The following HEATR3 variants were observed in gnomAD, a reference collection of about 807,000 sequenced individuals.
HEATR3 encodes HEAT repeat containing 3, also known as HEAT repeat-containing protein 3.
Under a neutral mutation model 72.8 loss-of-function variants are expected in HEATR3, and 56 were observed. The ratio of observed to expected loss-of-function variants is 0.77; its 90% confidence interval spans 0.62 to 0.96. The LOEUF is 0.96. Among genes scored for constraint, HEATR3 ranks in the 40% least tolerant of loss-of-function variants. HEATR3 has a pLI of 0.00. For missense variants in HEATR3, 747 were observed against 831.4 expected (o/e 0.90, Z 1.25); for synonymous variants, 331 against 318.1 (o/e 1.04, Z -0.43).
intron 12 of HEATR3, among the ~76,000 whole-genome samples, chr16:50,095,919 T>A (rs1321450196): frequency 1.3e-5 from 2 of 152,162 alleles, no homozygotes; most frequent in African/African-American, 4.8e-5. Context: ...CCAGTACCAT[T>A]ACCCCAAGGC....
chr16:50,090,504 T>C (rs769868050), intron 11 of HEATR3, among the ~76,000 whole-genome samples: 1 of 152,252 alleles, frequency 6.6e-6, no homozygotes, highest in African/African-American at 2.4e-5. Flanking sequence ...ACAGTAGTTA[T>C]AACATTTGTG....
rs756262483 is a variant in HEATR3, at chr16:50,083,933, T to A, written c.1042-4T>A. 1.9e-5 allele frequency: 29 copies of A among 1,490,210 alleles called. No individual in the cohort carries two copies. Among genetic ancestry groups the A allele is most frequent in the South Asian group, 2.4e-5 (2 of 82,876 alleles). The allele number at this position is 1,490,210 out of a possible 1,614,324, so 92.3% of individuals were successfully genotyped here. On this transcript the variant is annotated splice_polypyrimidine_tract_variant and splice_region_variant and intron_variant, in intron 7 of 14. Transcript: ENST00000299192. ...GGTCATTTACTTTTTTTTTTTTTTT[T>A]AAGCCCACTGACAAGGAACTGAGAG...
At chr16:50,082,746 A>AC (rs1167099400) in intron 7 of HEATR3, among the ~76,000 whole-genome samples, 1 of 129,428 alleles carries the variant, frequency 7.7e-6, no homozygotes, top group Non-Finnish European at 1.6e-5. Flanking sequence ...ATATACTGAG[A>AC]CCCCATCTCT....
chr16:50,079,788 A>G (rs2036825828), intron 7 of HEATR3, among the ~76,000 whole-genome samples: 3 of 152,184 alleles, frequency 2.0e-5, no homozygotes, highest in South Asian at 4.1e-4. Context: ...GATGATTAAG[A>G]TGTAATTTCC....
In HEATR3 at chr16:50,066,069, C is replaced by A. The variant is rs2036479143; in HGVS notation, c.-63C>A. ...GCAACGGACCTTGTTAACGGCGCGG[C>A]AGCCTCCACCGCCTGCTGTTGCCCT... On this transcript the variant is annotated 5_prime_UTR_variant, in exon 1 of 15. Transcript: ENST00000299192. 20 of 1,519,328 alleles carry A rather than the reference C, an allele frequency of 1.3e-5. No individual in the cohort carries two copies. Among genetic ancestry groups the A allele is most frequent in the Middle Eastern group, 4.6e-4 (2 of 4,386 alleles). The allele number at this position is 1,519,328 out of a possible 1,614,324, so 94.1% of individuals were successfully genotyped here. A position where few individuals can be genotyped will look rare whatever the true frequency, so the allele number is the denominator to read the frequency against.
chr16:50,091,014 G>A lies in HEATR3; in HGVS notation c.1511-3691G>A, dbSNP rs968280191. ...ACGAAAATTAGCTTGGCATGGTGGT[G>A]TGTGCCTGTAGTCCAGCTACTTGGG... On this transcript the variant is annotated intron_variant, in intron 11 of 14. Coordinates refer to ENST00000299192, the MANE Select transcript of HEATR3 (RefSeq NM_182922.4). Among the ~76,000 whole-genome samples the A allele has an allele frequency of 3.3e-5, 5 of 152,214 alleles. No individual in the cohort carries two copies. The South Asian group carries it at 1.0e-3, about 32-fold the overall frequency.
intron 12 of HEATR3, among the ~76,000 whole-genome samples, chr16:50,098,761 TGTA>T (rs1413663181): frequency 2.0e-5 from 3 of 152,048 alleles, no homozygotes; most frequent in Admixed American, 6.5e-5. Context: ...GAATGTACTT[TGTA>T]GTAGTGACAT....
intron 14 of HEATR3, among the ~76,000 whole-genome samples, chr16:50,104,126 G>A (rs1233113752): frequency 6.6e-6 from 1 of 152,124 alleles, no homozygotes; most frequent in African/African-American, 2.4e-5. Flanking sequence ...AAGGTGGTAG[G>A]ATCACTTGAG....
chr16:50,092,415 ATTCTTTTTTTTTTCTTTT>A (rs1234015766), intron 11 of HEATR3, among the ~76,000 whole-genome samples: 11 of 107,626 alleles, frequency 1.0e-4, no homozygotes, highest in African/African-American at 3.8e-4. Flanking sequence ...CTTCCAGGTC[ATTCTTTTTTTTTTCTTTT>A]TTCTTTTTTT....
intron 2 of HEATR3, among the ~76,000 whole-genome samples, chr16:50,068,300 C>T (rs760435462): frequency 1.3e-5 from 2 of 152,230 alleles, no homozygotes; most frequent in South Asian, 4.2e-4. Flanking sequence ...TTGCAGTTCG[C>T]TTTTTATTTT....
chr16:50,092,109 G>A (rs2037126025), intron 11 of HEATR3, among the ~76,000 whole-genome samples: 1 of 152,042 alleles, frequency 6.6e-6, no homozygotes, highest in African/African-American at 2.4e-5. Flanking sequence ...TGCTGAGGCG[G>A]GTGGATTGCT....
intron 6 of HEATR3, among the ~76,000 whole-genome samples, chr16:50,077,091 G>A (rs1248567633): frequency 6.6e-6 from 1 of 151,956 alleles, no homozygotes; most frequent in African/African-American, 2.4e-5. Context: ...AGCCAGGATG[G>A]TCTTGATCTC....
chr16:50,072,671 T>A lies in HEATR3; in HGVS notation c.579T>A (p.Tyr193Ter). 1 of 1,608,036 alleles carries A rather than the reference T, an allele frequency of 6.2e-7. No homozygotes were observed. The highest frequency in any genetic ancestry group is 8.5e-7 in the Non-Finnish European group (1 of 1,174,422). ...KEGCLEIVLK[Y>*]LSRFPTNVDL... The stretch of plus-strand genomic sequence containing the variant: ...GGTGTTTGGAGATTGTGTTAAAGTA[T>A]TTAAGTAGGTTTCCTACCAATGTTG... The change falls in exon 5 of 15, where the codon TAT (tyrosine) becomes TAA (stop). Residue 193 changes from tyrosine to a stop codon, truncating the protein, a stop_gained. Coordinates refer to ENST00000299192, the MANE Select transcript of HEATR3 (RefSeq NM_182922.4). LOFTEE classifies it high-confidence loss of function.
chr16:50,077,877 A>ATTTTT lies in HEATR3; in HGVS notation c.764-851_764-847dup, dbSNP rs56374170. On this transcript the variant is annotated intron_variant, in intron 6 of 14. Transcript: ENST00000299192. ...TACGGCTGCTGTGAAAATGGATGTA[A>ATTTTT]TTTTTTTTTTTTTTTTTGAAACAGA... Among the ~76,000 whole-genome samples the ATTTTT allele has an allele frequency of 1.6e-3, 164 of 104,326 alleles. 12 individuals are homozygous for ATTTTT. Among genetic ancestry groups the ATTTTT allele is most frequent in the African/African-American group, 5.7e-3 (152 of 26,606 alleles). 68.4% of individuals were successfully genotyped at this position (104,326 alleles called of 152,430 possible).
rs769147483 is a variant in HEATR3 at position 50,066,143 on chromosome 16, C to T, written c.12C>T (p.Ser4=). Residue 4 remains serine (S), a synonymous_variant, in exon 1 of 15, where the codon AGC becomes AGT. Coordinates refer to ENST00000299192, the MANE Select transcript of HEATR3 (RefSeq NM_182922.4). MGK[S]RTKRFKRPQF... ...CAGCGCACGTCACCATGGGCAAGAG[C>T]CGGACGAAGCGCTTCAAGCGACCTC... 25 of 1,596,402 alleles carry T rather than the reference C, an allele frequency of 1.6e-5. No homozygotes were observed. Among genetic ancestry groups the T allele is most frequent in the Non-Finnish European group, 2.0e-5 (24 of 1,173,202 alleles).
chr16:50,075,307 C>A, intron 5 of HEATR3, among the ~76,000 whole-genome samples: 1 of 97,088 alleles, frequency 1.0e-5, no homozygotes, highest in Non-Finnish European at 2.0e-5. Flanking sequence ...CAGAGCAAGA[C>A]TGTCTCAAAA....
intron 6 of HEATR3, among the ~76,000 whole-genome samples, chr16:50,076,403 G>A (rs113695019): frequency 0.02 from 3,112 of 152,144 alleles, 105 homozygotes; most frequent in African/African-American, 0.071. Flanking sequence ...GGCCAGGCTG[G>A]TCTTGAGCTC....
rs182614667 is a variant in HEATR3, at chr16:50,088,646, T to C, written c.1510+2295T>C. Among the ~76,000 whole-genome samples the C allele has an allele frequency of 5.3e-5, 8 of 152,310 alleles. No individual in the cohort carries two copies. In the East Asian group the frequency reaches 5.8e-4, roughly 11 times the overall value. ...TGGATGGTAAACGGGGAGGGGACTTTCCCCAACTTTTGCAAGCATTCTGGC... is the reference window on the plus strand; with the variant it reads ...TGGATGGTAAACGGGGAGGGGACTTCCCCCAACTTTTGCAAGCATTCTGGC... On this transcript the variant is annotated intron_variant, in intron 11 of 14. Coordinates refer to ENST00000299192, the MANE Select transcript of HEATR3 (RefSeq NM_182922.4).
chr16:50,076,601 A>C (rs1289865582), intron 6 of HEATR3, among the ~76,000 whole-genome samples: 1 of 151,820 alleles, frequency 6.6e-6, no homozygotes, highest in Non-Finnish European at 1.5e-5. Context: ...GCTGTGGTGC[A>C]ATCTTGGCTC....
Sources: allele counts gnomAD v4.1 joint callset (sites outside exome capture counted in the v4.1 genomes callset), GRCh38; gene constraint gnomAD v4.1.1; transcripts MANE v1.5; gene names NCBI Gene and HGNC (gene_info 2026-07-23, HGNC 2026-07-21).